Variants in LIN28B observed in about 807,000 individuals in gnomAD.
The protein encoded by LIN28B is lin-28 RNA binding posttranscriptional regulator B.
Under a neutral mutation model 21.9 loss-of-function variants are expected in LIN28B, and 5 were observed. That is an observed-to-expected ratio of 0.23 (90% CI 0.12 to 0.48). The LOEUF is 0.48. LIN28B is among the 20% of genes least tolerant of loss of function. The pLI, the probability that LIN28B is intolerant of heterozygous loss-of-function variation, is 0.98. For synonymous variants in LIN28B, 109 were observed against 111.3 expected, an observed-to-expected ratio of 0.98 and a Z score of 0.13; for missense variants, 245 against 310.5, an observed-to-expected ratio of 0.79 and a Z score of 1.58.
intron 3 of LIN28B, among the ~76,000 whole-genome samples, chr6:105,058,657 T>C (rs1772068888): frequency 6.6e-6 from 1 of 152,240 alleles, no homozygotes; most frequent in Non-Finnish European, 1.5e-5. Flanking sequence ...AGAATATTTT[T>C]CCAGCATTTT....
intron 3 of LIN28B, 77 bp downstream of exon 3, chr6:105,026,559 C>A: frequency 1.1e-6 from 1 of 933,194 alleles, no homozygotes; most frequent in Non-Finnish European, 1.6e-6. Flanking sequence ...CATCTTACTG[C>A]ATTTCATATT....
chr6:104,945,933 A>G (rs527969819), intron 2 of LIN28B, among the ~76,000 whole-genome samples: 40 of 152,162 alleles, frequency 2.6e-4, no homozygotes, highest in African/African-American at 9.6e-4. Context: ...ATTTGAAGAG[A>G]ATGATAGAGG....
chr6:105,031,978 T>C (rs1200970366), intron 3 of LIN28B, among the ~76,000 whole-genome samples: 4 of 152,168 alleles, frequency 2.6e-5, no homozygotes, highest in African/African-American at 9.7e-5. Flanking sequence ...ACCTATTCTC[T>C]TTCACTGTAG....
intron 3 of LIN28B, among the ~76,000 whole-genome samples, chr6:105,051,788 G>T (rs187629308): frequency 6.6e-6 from 1 of 152,230 alleles, no homozygotes; most frequent in Non-Finnish European, 1.5e-5. Context: ...CATGGACCAG[G>T]TACTGTTCTA....
intron 3 of LIN28B, among the ~76,000 whole-genome samples, chr6:105,068,907 A>G (rs936442300): frequency 6.6e-6 from 1 of 152,206 alleles, no homozygotes; most frequent in Non-Finnish European, 1.5e-5. Context: ...CTGACAAGAA[A>G]GTAATTTTCT....
intron 2 of LIN28B, among the ~76,000 whole-genome samples, chr6:105,007,963 T>C (rs1770850134): frequency 6.6e-6 from 1 of 152,072 alleles, no homozygotes; most frequent in African/African-American, 2.4e-5. Flanking sequence ...AAATCATAAA[T>C]TGTTATATGT....
At chr6:105,031,474 C>T (rs1048992575) in intron 3 of LIN28B, among the ~76,000 whole-genome samples, 1 of 151,486 alleles carries the variant, frequency 6.6e-6, no homozygotes, top group Non-Finnish European at 1.5e-5. Context: ...TGGTATATTT[C>T]TGTATATAAA....
intron 2 of LIN28B, among the ~76,000 whole-genome samples, chr6:104,965,268 G>A (rs1221364544): frequency 2.0e-5 from 3 of 152,158 alleles, no homozygotes; most frequent in Admixed American, 6.5e-5. Flanking sequence ...GGTGGCTCAT[G>A]CCTGTAATCC....
chr6:104,991,226 G>T (rs1352713450), intron 2 of LIN28B, among the ~76,000 whole-genome samples: 1 of 150,814 alleles, frequency 6.6e-6, no homozygotes, highest in Admixed American at 6.6e-5. Flanking sequence ...GGCTGGCCGG[G>T]CGGGGGCTGC....
chr6:105,042,195 T>G (rs1771652170), intron 3 of LIN28B, among the ~76,000 whole-genome samples: 1 of 152,122 alleles, frequency 6.6e-6, no homozygotes, highest in South Asian at 2.1e-4. Context: ...AAAAGTGCCA[T>G]TATGAGTAGA....
In LIN28B at chr6:104,958,114, G is replaced by T. The variant is rs1470524489; in HGVS notation, c.26G>T (p.Gly9Val). ...TCCTTCTCAGGCGGGGCTAGCAAAG[G>T]TGGTGGAGAAGAGCCCGGGAAGCTG... is the stretch of plus-strand genomic sequence containing the variant. Reference protein sequence around the residue: MAEGGASKGGGEEPGKLPE... With the variant: MAEGGASKVGGEEPGKLPE... Residue 9 changes from glycine (G) to valine (V), a missense_variant, in exon 2 of 4, where the codon GGT (glycine) becomes GTT (valine). By Grantham distance (109) the Gly-to-Val change is moderately radical (BLOSUM62 -3). Transcript: ENST00000345080. 6.3e-7 allele frequency: 1 copy of T among 1,594,660 alleles called. No individual in the cohort carries two copies. The highest frequency in any genetic ancestry group is 1.7e-5 in the Admixed American group (1 of 59,688).
At chr6:105,061,313 A>G (rs1772117503) in intron 3 of LIN28B, among the ~76,000 whole-genome samples, 1 of 152,188 alleles carries the variant, frequency 6.6e-6, no homozygotes, top group South Asian at 2.1e-4. Context: ...ATTTACTAAT[A>G]TCTAATCAAA....
At chr6:105,075,462 G>GA (rs949548063) in intron 3 of LIN28B, among the ~76,000 whole-genome samples, 9 of 152,160 alleles carry the variant, frequency 5.9e-5, no homozygotes, top group African/African-American at 2.2e-4. Context: ...GATTGACACT[G>GA]AATGATTAAA....
At chr6:104,944,152 G>C (rs1206813093) in intron 2 of LIN28B, among the ~76,000 whole-genome samples, 1 of 151,876 alleles carries the variant, frequency 6.6e-6, no homozygotes, top group Non-Finnish European at 1.5e-5. Context: ...TTTTCACCTA[G>C]TTGAATTGGA....
intron 3 of LIN28B, among the ~76,000 whole-genome samples, chr6:105,056,341 T>C (rs1772024088): frequency 6.6e-6 from 1 of 152,124 alleles, no homozygotes; most frequent in South Asian, 2.1e-4. Flanking sequence ...AGATGTTGAC[T>C]TTTGTTCTGG....
At chr6:105,046,772 G>C (rs1385340453) in intron 3 of LIN28B, among the ~76,000 whole-genome samples, 1 of 152,230 alleles carries the variant, frequency 6.6e-6, no homozygotes, top group Non-Finnish European at 1.5e-5. Context: ...GGCCAGTGAT[G>C]ATGAGCGTTT....
intron 2 of LIN28B, among the ~76,000 whole-genome samples, chr6:105,022,384 A>C (rs1323348183): frequency 6.6e-6 from 1 of 152,224 alleles, no homozygotes; most frequent in East Asian, 1.9e-4. Context: ...ATGATGATTC[A>C]AAAATTCAGG....
At chr6:104,971,822 G>A (rs529443572) in intron 2 of LIN28B, among the ~76,000 whole-genome samples, 1 of 152,048 alleles carries the variant, frequency 6.6e-6, no homozygotes, top group Non-Finnish European at 1.5e-5. Flanking sequence ...AAAGGTTTAG[G>A]ATAGTAAATC....
At chr6:105,057,043 T>C (rs901779313) in intron 3 of LIN28B, among the ~76,000 whole-genome samples, 2 of 152,346 alleles carry the variant, frequency 1.3e-5, no homozygotes, top group South Asian at 4.1e-4. Context: ...GTCTATCATA[T>C]TCAGAAGCCC....
Sources: allele counts gnomAD v4.1 joint callset (sites outside exome capture counted in the v4.1 genomes callset), GRCh38; gene constraint gnomAD v4.1.1; transcripts MANE v1.5; gene names NCBI Gene and HGNC (gene_info 2026-07-23, HGNC 2026-07-21).